Variants in GNAQ observed in about 807,000 individuals in gnomAD.
The protein encoded by GNAQ is guanine nucleotide-binding protein G(q) subunit alpha.
GNAQ carries 8 observed loss-of-function variants against 43.9 expected under a neutral mutation model. That is an observed-to-expected ratio of 0.18 (90% CI 0.11 to 0.33). The LOEUF (loss-of-function observed/expected upper bound fraction) is 0.33, where lower values mean the gene tolerates loss of function less well. Among genes scored for constraint, GNAQ ranks in the 10% least tolerant of loss-of-function variants. The pLI is 1.00. For missense variants in GNAQ, 158 were observed against 450.8 expected (o/e 0.35, Z 5.88); for synonymous variants, 155 against 170.7 (o/e 0.91, Z 0.71).
rs141217182 is a variant in GNAQ at position 77,940,158 on chromosome 9, A to C, written c.137-17813T>G. ...ATCTAAAAAGCTGAAGAGAAGTTAT[A>C]AAGGTGAAGAACATAGGGCATGGAA... On this transcript the variant is annotated intron_variant, in intron 1 of 6. Transcript: ENST00000286548. 5.2e-3 allele frequency among the ~76,000 whole-genome samples: 799 copies of C among 152,344 alleles called. 4 individuals carry two copies. Among genetic ancestry groups the C allele is most frequent in the Non-Finnish European group, 8.5e-3 (579 of 68,028 alleles).
chr9:77,955,584 G>A (rs1469335724), intron 1 of GNAQ, among the ~76,000 whole-genome samples: 1 of 152,126 alleles, frequency 6.6e-6, no homozygotes, highest in African/African-American at 2.4e-5. Flanking sequence ...GGTAAACCAA[G>A]AATTTTGCTC....
intron 5 of GNAQ, among the ~76,000 whole-genome samples, chr9:77,767,006 A>G (rs371240237): frequency 2.0e-5 from 3 of 152,128 alleles, no homozygotes; most frequent in South Asian, 2.1e-4. Context: ...CTACATTTGG[A>G]AAGAGATTTT....
intron 2 of GNAQ, among the ~76,000 whole-genome samples, chr9:77,840,752 T>C (rs367825537): frequency 2.4e-4 from 36 of 152,300 alleles, no homozygotes; most frequent in African/African-American, 7.0e-4. Flanking sequence ...TTGTTGATTT[T>C]ATAGTCTAGA....
At chr9:77,790,268 GT>G (rs1342392436) in intron 5 of GNAQ, among the ~76,000 whole-genome samples, 3 of 152,074 alleles carry the variant, frequency 2.0e-5, no homozygotes, top group Admixed American at 6.6e-5. Context: ...TGCGATTTGA[GT>G]TTTTTTCTCC....
intron 5 of GNAQ, among the ~76,000 whole-genome samples, chr9:77,781,591 A>G (rs866129072): frequency 6.6e-6 from 1 of 152,134 alleles, no homozygotes; most frequent in Middle Eastern, 3.2e-3. Context: ...TCTCTGATAA[A>G]CACAGATATA....
intron 1 of GNAQ, among the ~76,000 whole-genome samples, chr9:77,942,033 TTC>T (rs1445132229): frequency 6.6e-6 from 1 of 152,036 alleles, no homozygotes; most frequent in Non-Finnish European, 1.5e-5. Flanking sequence ...GATGAGTAAC[TTC>T]TCTTTTTCCT....
intron 5 of GNAQ, among the ~76,000 whole-genome samples, chr9:77,734,673 C>T (rs1281376901): frequency 1.3e-5 from 2 of 152,138 alleles, no homozygotes; most frequent in Admixed American, 6.5e-5. Context: ...TACAGACTCA[C>T]TAATTGATGC....
chr9:77,969,359 T>C (rs796106644), intron 1 of GNAQ, among the ~76,000 whole-genome samples: 35 of 152,226 alleles, frequency 2.3e-4, no homozygotes, highest in African/African-American at 8.2e-4. Context: ...TGAAAGTTAA[T>C]GCAATCATCA....
rs569533579 is a variant in GNAQ, at chr9:77,904,766, T to C, written c.321+17395A>G. On this transcript the variant is annotated intron_variant, in intron 2 of 6. Coordinates refer to ENST00000286548, the MANE Select transcript of GNAQ (RefSeq NM_002072.5). ...TTCAGTTTCTTTGACTCCAAAATGC[T>C]GAACCACATCAACATGTTTGAAAAC... 1.6e-3 allele frequency among the ~76,000 whole-genome samples: 243 copies of C among 152,344 alleles called. 2 individuals are homozygous for C. Among genetic ancestry groups the C allele is most frequent in the African/African-American group, 5.0e-3 (206 of 41,586 alleles).
At chr9:77,823,032 C>T (rs183154216) in intron 2 of GNAQ, among the ~76,000 whole-genome samples, 2,152 of 151,988 alleles carry the variant, frequency 0.014, 47 homozygotes, top group African/African-American at 0.045. Flanking sequence ...CTCCGCCTCC[C>T]GGGTTCATGC....
At chr9:77,926,213 C>A (rs1314037941) in intron 1 of GNAQ, among the ~76,000 whole-genome samples, 1 of 152,092 alleles carries the variant, frequency 6.6e-6, no homozygotes, top group Non-Finnish European at 1.5e-5. Flanking sequence ...TTTCATGTGT[C>A]ATTCTCCTAT....
intron 6 of GNAQ, among the ~76,000 whole-genome samples, chr9:77,726,929 A>G (rs887724652): frequency 2.6e-5 from 4 of 152,162 alleles, no homozygotes; most frequent in Non-Finnish European, 4.4e-5. Context: ...AAACAATTCT[A>G]TCTCTGTCAC....
At chr9:77,999,740 G>A (rs1383509884) in intron 1 of GNAQ, among the ~76,000 whole-genome samples, 1 of 152,158 alleles carries the variant, frequency 6.6e-6, no homozygotes, top group Non-Finnish European at 1.5e-5. Flanking sequence ...ACAAAGAAAT[G>A]ATTTGTTCTT....
intron 5 of GNAQ, among the ~76,000 whole-genome samples, chr9:77,748,782 A>T (rs1314338142): frequency 6.6e-6 from 1 of 152,246 alleles, no homozygotes; most frequent in Non-Finnish European, 1.5e-5. Context: ...ATAAATTACA[A>T]AGTAAATATA....
At chr9:77,724,868 A>G (rs1246507767) in intron 6 of GNAQ, among the ~76,000 whole-genome samples, 7 of 151,990 alleles carry the variant, frequency 4.6e-5, no homozygotes, top group Non-Finnish European at 7.4e-5. Context: ...TAAAGTATAT[A>G]TACAAGCAAA....
chr9:78,031,324 G>C lies in GNAQ; in HGVS notation c.-89C>G, dbSNP rs1292877817. The C allele has an allele frequency of 2.8e-5, 30 of 1,090,590 alleles. No homozygotes were observed. Among genetic ancestry groups the C allele is most frequent in the Non-Finnish European group, 3.5e-5 (30 of 849,712 alleles). 67.6% of individuals were successfully genotyped at this position (1,090,590 alleles called of 1,614,324 possible). On this transcript the variant is annotated 5_prime_UTR_variant, in exon 1 of 7. Coordinates refer to ENST00000286548, the MANE Select transcript of GNAQ (RefSeq NM_002072.5). ...CTCCCGCCCTCGCTCCCCCGAGGCAGCGGTGGCCGCCGAGCCCCCGCCGCC... is the reference window on the plus strand; with the variant it reads ...CTCCCGCCCTCGCTCCCCCGAGGCACCGGTGGCCGCCGAGCCCCCGCCGCC...
chr9:77,760,467 T>C (rs142268477), intron 5 of GNAQ, among the ~76,000 whole-genome samples: 97,060 of 151,466 alleles, frequency 0.64, 31,933 homozygotes, highest in Non-Finnish European at 0.72. Context: ...CCTCGGCCTC[T>C]GGAGGTGCCG....
chr9:77,803,365 T>C (rs753957489), intron 3 of GNAQ, among the ~76,000 whole-genome samples: 3 of 152,256 alleles, frequency 2.0e-5, no homozygotes, highest in Non-Finnish European at 4.4e-5. Context: ...GTCCATTTTA[T>C]ACCTGTTTCA....
chr9:77,822,958 AGTCTTGGTCT>A (rs1274626339), intron 2 of GNAQ, among the ~76,000 whole-genome samples: 1 of 149,952 alleles, frequency 6.7e-6, no homozygotes, highest in Non-Finnish European at 1.5e-5. Context: ...TTTGAGAAGG[AGTCTTGGTCT>A]GTCACCCAGG....
Sources: allele counts gnomAD v4.1 joint callset (sites outside exome capture counted in the v4.1 genomes callset), GRCh38; gene constraint gnomAD v4.1.1; transcripts MANE v1.5; gene names NCBI Gene and HGNC (gene_info 2026-07-23, HGNC 2026-07-21).